The following ARID3A variants were observed in gnomAD, a reference collection of about 807,000 sequenced individuals.
ARID3A encodes AT-rich interaction domain 3A.
ARID3A carries 11 observed loss-of-function variants against 52.7 expected under a neutral mutation model. The ratio of observed to expected loss-of-function variants is 0.21; its 90% CI spans 0.13 to 0.35. ARID3A has a LOEUF of 0.35. Among genes scored for constraint, ARID3A ranks in the 10% least tolerant of loss-of-function variants. The probability of loss-of-function intolerance (pLI) is 1.00; values close to 1 mark genes in which losing one functional copy is unlikely to be tolerated. For synonymous variants in ARID3A, 404 were observed against 359.4 expected, an observed-to-expected ratio of 1.12 and a Z score of -1.40; for missense variants, 721 against 838.5, an observed-to-expected ratio of 0.86 and a Z score of 1.73.
chr19:974,442 C>A lies in ARID3A; in HGVS notation c.*2377C>A, dbSNP rs563793399. On this transcript the variant is annotated 3_prime_UTR_variant, in exon 9 of 9. Coordinates refer to ENST00000263620, the MANE Select transcript of ARID3A (RefSeq NM_005224.3). The stretch of plus-strand genomic sequence containing the variant: ...ACCTGGACTCTGTCCGTGTCTGTCC[C>A]CCGGCCTCCAGGGCTCCTCTCCCGG... 1 of 231,108 alleles carries A rather than the reference C, an allele frequency of 4.3e-6. No individual in the cohort carries two copies. Among genetic ancestry groups the A allele is most frequent in the African/African-American group, 2.2e-5 (1 of 45,164 alleles). 14.3% of individuals were successfully genotyped at this position (231,108 alleles called of 1,614,324 possible).
At position 973,429 on chromosome 19, in the gene ARID3A, T is replaced by C. The variant is rs912748182; in HGVS notation, c.*1364T>C. ...ACGCTGGCCCGGTCTGGAAATCTTA[T>C]CTAAAAAGTAGCAAGTGCTGGAAAA... is the stretch of plus-strand genomic sequence containing the variant. On this transcript the variant is annotated 3_prime_UTR_variant, in exon 9 of 9. Transcript: ENST00000263620. 5.0e-6 allele frequency: 1 copy of C among 200,786 alleles called. No homozygotes were observed. The highest frequency in any genetic ancestry group is 6.0e-5 in the Admixed American group (1 of 16,594). The allele number at this position is 200,786 out of a possible 1,614,324, so 12.4% of individuals were successfully genotyped here. A position where few individuals can be genotyped will look rare whatever the true frequency, so the allele number is the denominator to read the frequency against.
In ARID3A at chr19:971,977, G is replaced by A. The variant is rs770883132; in HGVS notation, c.1694G>A (p.Gly565Glu). The change falls in exon 9 of 9, where the codon GGA becomes GAA. Residue 565 changes from glycine to glutamate, a missense_variant. Transcript: ENST00000263620. ...GGSSSNAGGR[G>E]GNTGTSGGQA... ...AGCAGCAGCAACGCAGGCGGCCGGG[G>A]AGGAAACACCGGAACCAGCGGCGGC... 4 of 1,602,890 alleles carry A rather than the reference G, an allele frequency of 2.5e-6. No individual in the cohort carries two copies. Among genetic ancestry groups the A allele is most frequent in the Non-Finnish European group, 3.4e-6 (4 of 1,175,004 alleles).
At chr19:961,136 G>C (rs1279632999) in intron 4 of ARID3A, among the ~76,000 whole-genome samples, 1 of 152,220 alleles carries the variant, frequency 6.6e-6, no homozygotes, top group Non-Finnish European at 1.5e-5. Context: ...TCAGACGGGG[G>C]AGGAGGCCTT....
chr19:966,637 G>C lies in ARID3A; in HGVS notation c.1264G>C (p.Val422Leu). ...RLPVSLAGHP[V>L]VAAQAAAVQA... ...GCCTGTGTCCCTGGCGGGCCACCCT[G>C]TGGTGGCAGCCCAGGCAGCAGCTGT... is the stretch of plus-strand genomic sequence containing the variant. Residue 422 changes from valine (V) to leucine (L), a missense_variant, in exon 7 of 9, where the codon GTG becomes CTG. By Grantham distance (32) the Val-to-Leu change is conservative (BLOSUM62 1). Around this residue, in one of 5 missense-constraint regions of ARID3A, gnomAD observed 297 missense variants for 343.2 expected, o/e 0.87. Transcript: ENST00000263620. 6.2e-7 allele frequency: 1 copy of C among 1,603,194 alleles called. No individual in the cohort carries two copies.
chr19:960,155 C>G lies in ARID3A; in HGVS notation c.757C>G (p.Gln253Glu), dbSNP rs972773194. 27 of 1,611,940 alleles carry G rather than the reference C, an allele frequency of 1.7e-5. No individual in the cohort carries two copies. The highest frequency in any genetic ancestry group is 2.3e-5 in the Non-Finnish European group (27 of 1,178,842). Reference sequence around the variant, plus strand: ...CCTGGATGACTTGTTCAGCTTCATGCAGAAGCGAGGTGAGCCCTCTGCCCC... The same window carrying G: ...CCTGGATGACTTGTTCAGCTTCATGGAGAAGCGAGGTGAGCCCTCTGCCCC... The part of the protein sequence containing the change: ...EFLDDLFSFM[Q>E]KRGTPVNRIP... Residue 253 changes from glutamine (Q) to glutamate (E), a missense_variant, in exon 4 of 9, where the codon CAG (glutamine) becomes GAG (glutamate). By Grantham distance (29) the Gln-to-Glu change is conservative (BLOSUM62 2). This residue lies in a region of ARID3A where 43 missense variants were observed against 143.7 expected (regional missense o/e 0.30). Transcript: ENST00000263620. The surrounding 1 kb of genome is among the most constrained non-coding windows in gnomAD (Gnocchi z 4.3).
intron 3 of ARID3A, among the ~76,000 whole-genome samples, chr19:953,006 T>C (rs542213957): frequency 3.9e-5 from 6 of 152,104 alleles, no homozygotes; most frequent in Non-Finnish European, 5.9e-5. Context: ...GCCACCCTCT[T>C]CTGTCCTGGC....
In ARID3A at chr19:974,239, A is replaced by AC. The variant is rs1297455145; in HGVS notation, c.*2179dup. ...ACTTTCCTGTGTCTTTGGGGAGGGG[A>AC]CCCCCACTTCCTTCTCGGATCTCAG... On this transcript the variant is annotated 3_prime_UTR_variant, in exon 9 of 9. Transcript: ENST00000263620. 1 of 223,344 alleles carries AC rather than the reference A, an allele frequency of 4.5e-6. No homozygotes were observed. Among genetic ancestry groups the AC allele is most frequent in the East Asian group, 6.3e-5 (1 of 15,764 alleles). The allele number at this position is 223,344 out of a possible 1,614,324, so 13.8% of individuals were successfully genotyped here. A position where few individuals can be genotyped will look rare whatever the true frequency, so the allele number is the denominator to read the frequency against.
At chr19:946,439 CT>C (rs58290960) in intron 3 of ARID3A, among the ~76,000 whole-genome samples, 761 of 60,368 alleles carry the variant, frequency 0.013, 8 homozygotes, top group African/African-American at 0.033. Context: ...TTTTTTGAAT[CT>C]TTTTTTTTTT....
chr19:964,350 A>G lies in ARID3A; in HGVS notation c.869A>G (p.Asn290Ser), dbSNP rs2038102858. The change falls in exon 5 of 9, where the codon AAC becomes AGC. Residue 290 changes from asparagine (N) to serine (S), a missense_variant. Asn to Ser is a conservative substitution (Grantham distance 46). Coordinates refer to ENST00000263620, the MANE Select transcript of ARID3A (RefSeq NM_005224.3). This position sits in a 1 kb window ranked among gnomAD's most constrained non-coding sequence, Gnocchi z 5.7. ...AAGGGCGGCCTCGTGGAGGTCATCAACAAGAAGCTGTGGCGTGAGATCACC... is the reference window on the plus strand; with the variant it reads ...AAGGGCGGCCTCGTGGAGGTCATCAGCAAGAAGCTGTGGCGTGAGATCACC... ...TEKGGLVEVI[N>S]KKLWREITKG... 6.2e-7 allele frequency: 1 copy of G among 1,614,088 alleles called. No individual in the cohort carries two copies. The highest frequency in any genetic ancestry group is 8.5e-7 in the Non-Finnish European group (1 of 1,179,990).
At chr19:937,499 G>GTA (rs1229311952) in intron 3 of ARID3A, among the ~76,000 whole-genome samples, 1 of 152,014 alleles carries the variant, frequency 6.6e-6, no homozygotes, top group African/African-American at 2.4e-5. Context: ...TTGTAGTGCT[G>GTA]TACACGTTTT....
At chr19:965,711 G>A (rs962616220) in intron 6 of ARID3A, among the ~76,000 whole-genome samples, 3 of 151,988 alleles carry the variant, frequency 2.0e-5, no homozygotes, top group African/African-American at 7.3e-5. Context: ...ATTTTTTTAG[G>A]CCAGGCACAG....
Position 960,281 on chromosome 19 carries a change from C to A in ARID3A, c.766+117C>A. ...GTGAGCACCCCGTGGCTGGAGGCAT[C>A]CAAGGCTCCTAAATCGGGAGGGACT... is the stretch of plus-strand genomic sequence containing the variant. On this transcript the variant is annotated intron_variant, in intron 4 of 8. Transcript: ENST00000263620. This position sits in a 1 kb window ranked among gnomAD's most constrained non-coding sequence, Gnocchi z 4.3. 1 of 861,918 alleles carries A rather than the reference C, an allele frequency of 1.2e-6. No individual in the cohort carries two copies. Among genetic ancestry groups the A allele is most frequent in the Non-Finnish European group, 1.7e-6 (1 of 578,220 alleles). The allele number at this position is 861,918 out of a possible 1,614,324, so 53.4% of individuals were successfully genotyped here. A position where few individuals can be genotyped will look rare whatever the true frequency, so the allele number is the denominator to read the frequency against.
chr19:933,270 G>C (rs561301678), intron 3 of ARID3A, among the ~76,000 whole-genome samples: 1 of 152,198 alleles, frequency 6.6e-6, no homozygotes, highest in Non-Finnish European at 1.5e-5. Flanking sequence ...GTGAGGCTCC[G>C]AGTGGGCGGT....
At chr19:939,471 G>A (rs952713316) in intron 3 of ARID3A, among the ~76,000 whole-genome samples, 2 of 152,122 alleles carry the variant, frequency 1.3e-5, no homozygotes, top group Admixed American at 6.5e-5. Context: ...TTGCAGAGAG[G>A]AAGAAAATGG....
chr19:948,832 C>T (rs1001913915), intron 3 of ARID3A, among the ~76,000 whole-genome samples: 14 of 151,768 alleles, frequency 9.2e-5, no homozygotes, highest in African/African-American at 2.9e-4. Flanking sequence ...GCCTCAGCCT[C>T]CCGAGTAGCT....
chr19:934,149 G>A lies in ARID3A; in HGVS notation c.693+1407G>A, dbSNP rs988621322. Reference sequence around the variant, plus strand: ...GCAGGGAGCCCTGGGCTGGAGGGGCGGGCAGGAGCCGGACGGAGACCTCCA... The same window carrying A: ...GCAGGGAGCCCTGGGCTGGAGGGGCAGGCAGGAGCCGGACGGAGACCTCCA... On this transcript the variant is annotated intron_variant, in intron 3 of 8. Transcript: ENST00000263620. Among the ~76,000 whole-genome samples the A allele has an allele frequency of 1.1e-4, 16 of 152,248 alleles. No homozygotes were observed. In the South Asian group the frequency reaches 2.5e-3, roughly 24 times the overall value.
Position 971,918 on chromosome 19 carries a change from T to A in ARID3A, c.1635T>A (p.Ser545=), listed in dbSNP as rs1166375444. The A allele has an allele frequency of 1.9e-6, 3 of 1,604,844 alleles. No homozygotes were observed. The Admixed American group carries it at 5.1e-5, about 27-fold the overall frequency. ...AGCCGCCGGCCCCCACGCCAACCTC[T>A]GCTCCCAACAAAGGAGGCGGCGGCG... ...FAQPPAPTPT[S]APNKGGGGGG... The change falls in exon 9 of 9, where the codon TCT becomes TCA. Residue 545 remains serine (S), a synonymous_variant. Coordinates refer to ENST00000263620, the MANE Select transcript of ARID3A (RefSeq NM_005224.3).
chr19:948,581 C>G (rs2238578), intron 3 of ARID3A, among the ~76,000 whole-genome samples: 2 of 152,110 alleles, frequency 1.3e-5, no homozygotes, highest in Admixed American at 6.5e-5. Flanking sequence ...GCCCTCCTCC[C>G]GCCTGCAGCC....
chr19:968,753 T>G lies in ARID3A; in HGVS notation c.1594+250T>G, dbSNP rs553005797. On this transcript the variant is annotated intron_variant, in intron 8 of 8. Coordinates refer to ENST00000263620, the MANE Select transcript of ARID3A (RefSeq NM_005224.3). ...CAGTGTGACGTTGGATGGTTCACAT[T>G]CCTAGTTTTTTGTTTTAATGAGACG... The G allele has an allele frequency of 4.8e-4, 183 of 383,372 alleles. 4 individuals are homozygous for G. In the South Asian group the frequency reaches 7.9e-3, roughly 17 times the overall value. 23.7% of individuals were successfully genotyped at this position (383,372 alleles called of 1,614,324 possible).
Sources: allele counts gnomAD v4.1 joint callset (sites outside exome capture counted in the v4.1 genomes callset), GRCh38; gene constraint gnomAD v4.1.1; regional missense constraint gnomAD v4.1.1; non-coding constraint Gnocchi (gnomAD v3.1); transcripts MANE v1.5; gene names NCBI Gene and HGNC (gene_info 2026-07-23, HGNC 2026-07-21).